The following ESRP1 variants were observed in gnomAD, a reference collection of about 807,000 sequenced individuals.
ESRP1 encodes epithelial splicing regulatory protein 1.
ESRP1 carries 33 observed loss-of-function variants against 81.7 expected under a neutral mutation model. The ratio of observed to expected loss-of-function variants is 0.40; its 90% CI spans 0.31 to 0.54. The LOEUF (loss-of-function observed/expected upper bound fraction) is 0.54. Among genes scored for constraint, ESRP1 ranks in the 20% least tolerant of loss-of-function variants. The probability of loss-of-function intolerance (pLI) is 0.41; values close to 1 mark genes in which losing one functional copy is unlikely to be tolerated. For synonymous variants in ESRP1, 320 were observed against 303.3 expected (o/e 1.06, Z -0.57); for missense variants, 672 against 833.1 (o/e 0.81, Z 2.38).
chr8:94,654,781 T>A lies in ESRP1; in HGVS notation c.491-7491T>A, dbSNP rs1221883980. ...TACAAAAATAAATCTAAAAATTAGC[T>A]AGGTGCTTAAAAATAAGCACACTCC... is the stretch of plus-strand genomic sequence containing the variant. On this transcript the variant is annotated intron_variant, in intron 4 of 15. Coordinates refer to ENST00000433389, the MANE Select transcript of ESRP1 (RefSeq NM_017697.4). Among the ~76,000 whole-genome samples, 5 of 152,024 alleles carry A rather than the reference T, an allele frequency of 3.3e-5. No homozygotes were observed. The East Asian group carries it at 9.7e-4, about 29-fold the overall frequency.
In ESRP1 at chr8:94,690,276, A is replaced by ATTTTTTTT. The variant is rs373440584; in HGVS notation, c.1821-2380_1821-2373dup. Among the ~76,000 whole-genome samples, 39 of 61,366 alleles carry ATTTTTTTT rather than the reference A, an allele frequency of 6.4e-4. 2 individuals are homozygous for ATTTTTTTT. Among genetic ancestry groups the ATTTTTTTT allele is most frequent in the African/African-American group, 2.1e-3 (31 of 14,838 alleles). 40.3% of individuals were successfully genotyped at this position (61,366 alleles called of 152,430 possible). A position where few individuals can be genotyped will look rare whatever the true frequency, so the allele number is the denominator to read the frequency against. ...AGGCATGAGCTACAATGCCTGGCTA[A>ATTTTTTTT]TTTTTTTTTTTTTTTTTTTTTTTTT... On this transcript the variant is annotated intron_variant, in intron 13 of 15. Coordinates refer to ENST00000433389, the MANE Select transcript of ESRP1 (RefSeq NM_017697.4).
chr8:94,678,461 C>A, intron 13 of ESRP1, 90 bp downstream of exon 13: 2 of 1,461,748 alleles, frequency 1.4e-6, no homozygotes, highest in Non-Finnish European at 1.8e-6. Context: ...ATATTGTCTG[C>A]CATGTTGAAG....
chr8:94,655,223 G>C (rs1818344815), intron 4 of ESRP1, among the ~76,000 whole-genome samples: 1 of 151,686 alleles, frequency 6.6e-6, no homozygotes, highest in African/African-American at 2.4e-5. Context: ...CCAAGTAACT[G>C]CTGGAATTAC....
At chr8:94,689,811 C>CTTTTTGTTTTTTTTTTTTTTTT (rs1809304428) in intron 13 of ESRP1, among the ~76,000 whole-genome samples, 2 of 64,680 alleles carry the variant, frequency 3.1e-5, no homozygotes, top group Non-Finnish European at 5.9e-5. Context: ...TGATGCCTGG[C>CTTTTTGTTTTTTTTTTTTTTTT]TTTTTTTTTT....
intron 13 of ESRP1, among the ~76,000 whole-genome samples, chr8:94,687,261 A>T (rs571088702): frequency 2.5e-4 from 38 of 152,286 alleles, no homozygotes; most frequent in Admixed American, 9.8e-4. Flanking sequence ...TCATATTGTG[A>T]CATATATCAT....
chr8:94,657,431 A>C (rs1265101266), intron 4 of ESRP1, among the ~76,000 whole-genome samples: 1 of 151,898 alleles, frequency 6.6e-6, no homozygotes, highest in Non-Finnish European at 1.5e-5. Context: ...AGTGATGCTA[A>C]GGATCATAGA....
intron 13 of ESRP1, among the ~76,000 whole-genome samples, chr8:94,687,786 T>A (rs1358655250): frequency 6.6e-6 from 1 of 152,296 alleles, no homozygotes; most frequent in East Asian, 1.9e-4. Flanking sequence ...ACTTGTAAAT[T>A]TTTTTCATAT....
chr8:94,675,328 A>G (rs1440719432), intron 12 of ESRP1, among the ~76,000 whole-genome samples: 1 of 152,254 alleles, frequency 6.6e-6, no homozygotes, highest in Non-Finnish European at 1.5e-5. Flanking sequence ...AAAGATAACT[A>G]AGTAAACTGG....
rs35903773 is a variant in ESRP1 at position 94,651,987 on chromosome 8, CTTTT to C, written c.490+5725_490+5728del. ...TGTCTTTGTATTTGTTCTAAAACGC[CTTTT>C]TTTTTTTTTTTTTTTTTTTGACAGA... On this transcript the variant is annotated intron_variant, in intron 4 of 15. Transcript: ENST00000433389. Among the ~76,000 whole-genome samples the C allele has an allele frequency of 6.5e-3, 427 of 65,196 alleles. 2 individuals are homozygous for C. The highest frequency in any genetic ancestry group is 0.054 in the Middle Eastern group (3 of 56). 42.8% of individuals were successfully genotyped at this position (65,196 alleles called of 152,430 possible).
rs572591229 is a variant in ESRP1, at chr8:94,646,237, G to A, written c.445G>A (p.Gly149Ser). ...AAAAGAATTCAAGAAATGTTGCCCT[G>A]GTTCACCTGATATTGACAAACTGGA... ...LRKEFKKCCP[G>S]SPDIDKLDVA... The change falls in exon 4 of 16, where the codon GGT becomes AGT. Residue 149 changes from glycine to serine, a missense_variant. Physicochemically the swap from Gly to Ser is moderately conservative, Grantham distance 56. Transcript: ENST00000433389. 6.2e-7 allele frequency: 1 copy of A among 1,612,502 alleles called. No individual in the cohort carries two copies. The highest frequency in any genetic ancestry group is 1.3e-5 in the African/African-American group (1 of 74,846).
chr8:94,683,987 A>C (rs554225204), intron 13 of ESRP1, among the ~76,000 whole-genome samples: 1 of 152,296 alleles, frequency 6.6e-6, no homozygotes, highest in African/African-American at 2.4e-5. Flanking sequence ...AGCTGGGATT[A>C]CAGGCATGCA....
In ESRP1 at chr8:94,641,375, C is replaced by A. The variant is rs764640163; in HGVS notation, c.57C>A (p.Thr19=). The change falls in exon 1 of 16, where the codon ACC becomes ACA. Residue 19 remains threonine (T), a synonymous_variant. Transcript: ENST00000433389. ...TTTTTGGGATCACTGCTGGGGCCAC[C>A]GGGGCCAAGCTAGGCTCGGATGAGA... ...VVLFGITAGA[T]GAKLGSDEKE... 3 of 1,613,880 alleles carry A rather than the reference C, an allele frequency of 1.9e-6. No individual in the cohort carries two copies. The Admixed American group carries it at 5.0e-5, about 27-fold the overall frequency.
At chr8:94,692,940 G>A (rs1809463664) in intron 14 of ESRP1, 113 bp downstream of exon 14, 2 of 1,156,770 alleles carry the variant, frequency 1.7e-6, no homozygotes, top group Admixed American at 5.1e-5. Context: ...GTGTATATAT[G>A]CTAATGGATT....
intron 13 of ESRP1, among the ~76,000 whole-genome samples, chr8:94,689,414 T>C (rs1004594169): frequency 1.3e-5 from 2 of 152,156 alleles, no homozygotes; most frequent in Non-Finnish European, 2.9e-5. Context: ...CTATAGTGAA[T>C]GGAATTGTTT....
intron 6 of ESRP1, among the ~76,000 whole-genome samples, chr8:94,663,273 C>T (rs776139999): frequency 6.6e-6 from 1 of 152,082 alleles, no homozygotes; most frequent in Non-Finnish European, 1.5e-5. Flanking sequence ...AGTTTTGAGA[C>T]ACTTGCTCTG....
rs1554575901 is a variant in ESRP1 at position 94,655,065 on chromosome 8, T to TTG, written c.491-7185_491-7184dup. Among the ~76,000 whole-genome samples, 467 of 147,622 alleles carry TTG rather than the reference T, an allele frequency of 3.2e-3. 3 individuals carry two copies. The highest frequency in any genetic ancestry group is 9.0e-3 in the African/African-American group (367 of 40,574). On this transcript the variant is annotated intron_variant, in intron 4 of 15. Transcript: ENST00000433389. ...GTGTCTGTGAGGTTTTTTGGGTTTTTTGTGTGTGTGTGTGTGTGTGTGTTT... is the reference window on the plus strand; with the variant it reads ...GTGTCTGTGAGGTTTTTTGGGTTTTTTGTGTGTGTGTGTGTGTGTGTGTGTTT...
At chr8:94,684,067 G>A (rs1809037895) in intron 13 of ESRP1, among the ~76,000 whole-genome samples, 2 of 152,040 alleles carry the variant, frequency 1.3e-5, no homozygotes, top group South Asian at 4.1e-4. Flanking sequence ...AGCTGATCTC[G>A]AACTCCCAAA....
intron 1 of ESRP1, 21 bp from the exon 2 acceptor site, chr8:94,641,935 C>T (rs200260350): frequency 6.2e-7 from 1 of 1,612,792 alleles, no homozygotes; most frequent in Non-Finnish European, 8.5e-7. Flanking sequence ...GAAACTGACC[C>T]GTGCTTCTCT....
chr8:94,662,620 GT>G, intron 6 of ESRP1, 65 bp downstream of exon 6: 1 of 1,358,318 alleles, frequency 7.4e-7, no homozygotes, highest in Non-Finnish European at 1.0e-6. Context: ...CTGTTTGTTT[GT>G]TTTTGAGACA....
Sources: allele counts gnomAD v4.1 joint callset (sites outside exome capture counted in the v4.1 genomes callset), GRCh38; gene constraint gnomAD v4.1.1; transcripts MANE v1.5; gene names NCBI Gene and HGNC (gene_info 2026-07-23, HGNC 2026-07-21).